The following AUTS2 variants were observed in gnomAD, a reference collection of about 807,000 sequenced individuals.
AUTS2 encodes activator of transcription and developmental regulator AUTS2.
Under a neutral mutation model 112.4 loss-of-function variants are expected in AUTS2, and 17 were observed. The observed-to-expected ratio is 0.15, with a 90% confidence interval of 0.10 to 0.23. The LOEUF (loss-of-function observed/expected upper bound fraction) is 0.23, where lower values mean the gene tolerates loss of function less well. Among genes scored for constraint, AUTS2 ranks in the 10% least tolerant of loss-of-function variants. AUTS2 has a pLI of 1.00. For synonymous variants in AUTS2, 751 were observed against 702.7 expected (o/e 1.07, Z -1.09); for missense variants, 1,510 against 1,701.6 (o/e 0.89, Z 1.98).
chr7:69,902,076 T>C (rs1190111849), intron 2 of AUTS2, among the ~76,000 whole-genome samples: 2 of 152,326 alleles, frequency 1.3e-5, no homozygotes, highest in Non-Finnish European at 1.5e-5. Flanking sequence ...TTTAATGTTT[T>C]TTTTTCTTTA....
At chr7:69,735,637 C>T (rs1035978234) in intron 1 of AUTS2, among the ~76,000 whole-genome samples, 3 of 152,162 alleles carry the variant, frequency 2.0e-5, no homozygotes, top group Non-Finnish European at 4.4e-5. Context: ...AGCTAGCAAG[C>T]AGTACCCTTA....
At position 69,599,758 on chromosome 7, in the gene AUTS2, C is replaced by T. The variant is rs1328439974; in HGVS notation, c.105C>T (p.Ala35=). The change falls in exon 1 of 19, where the codon GCC becomes GCT. Residue 35 remains alanine (A), a synonymous_variant. Coordinates refer to ENST00000342771, the MANE Select transcript of AUTS2 (RefSeq NM_015570.4). This position sits in a 1 kb window ranked among gnomAD's most constrained non-coding sequence, Gnocchi z 7.0. ...GGGGCGGGCTGGGGGCCGGCGCGGC[C>T]GGCGGCGGCGGGGCTGGCCGGACCC... ...RSRGGLGAGA[A]GGGGAGRTRA... 5 of 1,368,480 alleles carry T rather than the reference C, an allele frequency of 3.7e-6. No homozygotes were observed. In the East Asian group the frequency reaches 1.2e-4, roughly 34 times the overall value. The allele number at this position is 1,368,480 out of a possible 1,614,324, so 84.8% of individuals were successfully genotyped here. A position where few individuals can be genotyped will look rare whatever the true frequency, so the allele number is the denominator to read the frequency against.
chr7:70,572,099 A>G (rs966226268), intron 5 of AUTS2, among the ~76,000 whole-genome samples: 39 of 152,128 alleles, frequency 2.6e-4, no homozygotes, highest in Admixed American at 1.9e-3. Context: ...TGAATTTTCT[A>G]TTGTTATGCA....
intron 4 of AUTS2, among the ~76,000 whole-genome samples, chr7:70,180,417 A>G (rs976859927): frequency 8.3e-5 from 12 of 144,002 alleles, no homozygotes; most frequent in African/African-American, 3.1e-4. Context: ...AAAATAAAAT[A>G]AACACATACA....
At chr7:70,399,237 A>G (rs151018609) in intron 4 of AUTS2, among the ~76,000 whole-genome samples, 3 of 151,652 alleles carry the variant, frequency 2.0e-5, no homozygotes, top group South Asian at 2.1e-4. Flanking sequence ...CGATCCTCCT[A>G]CCTTAGCTTC....
chr7:69,689,845 A>G (rs1443626724), intron 1 of AUTS2, among the ~76,000 whole-genome samples: 1 of 147,032 alleles, frequency 6.8e-6, no homozygotes, highest in Non-Finnish European at 1.5e-5. Flanking sequence ...GCCCGGCTTA[A>G]TTTTGTATTT....
At chr7:70,333,896 T>G (rs1790873048) in intron 4 of AUTS2, among the ~76,000 whole-genome samples, 1 of 152,178 alleles carries the variant, frequency 6.6e-6, no homozygotes, top group African/African-American at 2.4e-5. Context: ...CCATGGCATG[T>G]GTATACTTAT....
intron 1 of AUTS2, among the ~76,000 whole-genome samples, chr7:69,865,778 G>C (rs1170434970): frequency 6.6e-6 from 1 of 152,034 alleles, no homozygotes; most frequent in African/African-American, 2.4e-5. Context: ...ATACAAAAAA[G>C]CCAGTAATAG....
chr7:70,103,795 A>C (rs1804622990), intron 2 of AUTS2, among the ~76,000 whole-genome samples: 1 of 151,956 alleles, frequency 6.6e-6, no homozygotes, highest in South Asian at 2.1e-4. Context: ...CTGTAAGCCA[A>C]GCTAGTTGGG....
intron 1 of AUTS2, among the ~76,000 whole-genome samples, chr7:69,738,304 A>T (rs1787122695): frequency 1.3e-5 from 2 of 151,954 alleles, no homozygotes; most frequent in South Asian, 4.2e-4. Context: ...ACAAGGGTGG[A>T]GACACTTAAT....
chr7:69,763,056 A>AT (rs1413745837), intron 1 of AUTS2, among the ~76,000 whole-genome samples: 1 of 152,242 alleles, frequency 6.6e-6, no homozygotes, highest in Non-Finnish European at 1.5e-5. Flanking sequence ...CACTGGTTTT[A>AT]TTTTCACACC....
intron 1 of AUTS2, among the ~76,000 whole-genome samples, chr7:69,853,998 C>A (rs1238013806): frequency 6.6e-6 from 1 of 152,052 alleles, no homozygotes; most frequent in Non-Finnish European, 1.5e-5. Flanking sequence ...TTATGAGGTT[C>A]CCTTATAGGA....
At chr7:69,728,329 A>G (rs904691026) in intron 1 of AUTS2, among the ~76,000 whole-genome samples, 3 of 152,180 alleles carry the variant, frequency 2.0e-5, no homozygotes, top group African/African-American at 7.2e-5. Flanking sequence ...CAAACCACCA[A>G]CTTGAAATCT....
intron 4 of AUTS2, among the ~76,000 whole-genome samples, chr7:70,434,537 A>G (rs1795810713): frequency 6.6e-6 from 1 of 152,222 alleles, no homozygotes; most frequent in Non-Finnish European, 1.5e-5. Flanking sequence ...TGTTGGTTCT[A>G]CCTTCAGAAT....
intron 4 of AUTS2, among the ~76,000 whole-genome samples, chr7:70,329,661 A>G (rs1350713175): frequency 6.7e-6 from 1 of 148,898 alleles, no homozygotes; most frequent in Non-Finnish European, 1.5e-5. Flanking sequence ...TTCTTTATGT[A>G]TTCTGGATAC....
At chr7:69,618,631 C>T (rs1793501320) in intron 1 of AUTS2, among the ~76,000 whole-genome samples, 1 of 151,950 alleles carries the variant, frequency 6.6e-6, no homozygotes, top group African/African-American at 2.4e-5. Context: ...AGGACCAGTA[C>T]ACTATGTGCT....
At chr7:69,776,528 G>A (rs1016721682) in intron 1 of AUTS2, among the ~76,000 whole-genome samples, 1 of 152,074 alleles carries the variant, frequency 6.6e-6, no homozygotes, top group Admixed American at 6.5e-5. Flanking sequence ...TGAGCCCCTC[G>A]CCTCAGCTTC....
chr7:70,169,281 C>A (rs1808546178), intron 4 of AUTS2, among the ~76,000 whole-genome samples: 1 of 151,918 alleles, frequency 6.6e-6, no homozygotes, highest in East Asian at 1.9e-4. Flanking sequence ...CACTGTGTCA[C>A]CCAGGCTGAA....
chr7:70,142,224 C>G (rs1806905911), intron 4 of AUTS2, among the ~76,000 whole-genome samples: 1 of 152,186 alleles, frequency 6.6e-6, no homozygotes, highest in African/African-American at 2.4e-5. Context: ...CTCTGTCCTC[C>G]TAACCCCCAT....
Sources: gnomAD v4.1 joint callset for allele counts (sites outside exome capture counted in the v4.1 genomes callset) on GRCh38, gnomAD v4.1.1 for gene constraint, Gnocchi (gnomAD v3.1) non-coding constraint, MANE v1.5 for transcripts, NCBI Gene and HGNC (gene_info 2026-07-23, HGNC 2026-07-21) for gene names.